CCDC192: variants seen among roughly 807,000 people sequenced by gnomAD.
CCDC192 encodes coiled-coil domain-containing protein 192.
intron 1 of CCDC192, 100 bp downstream of exon 1, chr5:127,703,607 G>A: frequency 2.6e-6 from 1 of 391,878 alleles, no homozygotes; most frequent in Non-Finnish European, 4.5e-6. Context: ...TTTAAAGTCT[G>A]GGGAATAACA....
At chr5:127,759,218 G>C (rs917415894) in intron 3 of CCDC192, among the ~76,000 whole-genome samples, 2 of 152,168 alleles carry the variant, frequency 1.3e-5, no homozygotes, top group African/African-American at 2.4e-5. Flanking sequence ...TATTAAATGG[G>C]ATAGGTATCT....
chr5:127,761,835 A>G (rs1754950108), intron 3 of CCDC192, among the ~76,000 whole-genome samples: 1 of 152,196 alleles, frequency 6.6e-6, no homozygotes. Flanking sequence ...CTAATAAGTT[A>G]TGTTTGACTC....
At chr5:127,709,025 G>A (rs1751132126) in intron 2 of CCDC192, among the ~76,000 whole-genome samples, 1 of 151,690 alleles carries the variant, frequency 6.6e-6, no homozygotes, top group Non-Finnish European at 1.5e-5. Flanking sequence ...TTTGGCTTCT[G>A]CTACTGGGGA....
intron 5 of CCDC192, among the ~76,000 whole-genome samples, chr5:127,801,968 G>A (rs1451159705): frequency 6.6e-6 from 1 of 152,168 alleles, no homozygotes; most frequent in Non-Finnish European, 1.5e-5. Context: ...GGGTGCCTGT[G>A]ATTGGCTGAA....
intron 2 of CCDC192, among the ~76,000 whole-genome samples, chr5:127,720,698 A>G (rs1750369286): frequency 6.6e-6 from 1 of 152,230 alleles, no homozygotes; most frequent in South Asian, 2.1e-4. Context: ...CTGGACATCC[A>G]GGCCTTTCCA....
chr5:127,889,879 A>T (rs62375863), intron 6 of CCDC192, among the ~76,000 whole-genome samples: 8 of 127,370 alleles, frequency 6.3e-5, no homozygotes, highest in Non-Finnish European at 1.4e-4. Flanking sequence ...ACAGTTTTAT[A>T]AATTTTTTTT....
chr5:127,719,494 TAC>T (rs1368138187), intron 2 of CCDC192, among the ~76,000 whole-genome samples: 5 of 91,068 alleles, frequency 5.5e-5, no homozygotes, highest in South Asian at 3.7e-4. Flanking sequence ...TATATATATA[TAC>T]ACACACATAC....
At chr5:127,738,058 A>G (rs1018958811) in intron 2 of CCDC192, among the ~76,000 whole-genome samples, 3 of 152,058 alleles carry the variant, frequency 2.0e-5, no homozygotes, top group Non-Finnish European at 2.9e-5. Flanking sequence ...TGATTTTGCA[A>G]CAGCTGGTAC....
At chr5:127,895,590 A>T (rs1752857692) in intron 6 of CCDC192, among the ~76,000 whole-genome samples, 1 of 152,234 alleles carries the variant, frequency 6.6e-6, no homozygotes, top group Non-Finnish European at 1.5e-5. Flanking sequence ...CTGTAATCCC[A>T]GCACTTTGGG....
At chr5:127,877,833 T>A (rs1401303785) in intron 6 of CCDC192, among the ~76,000 whole-genome samples, 1 of 152,094 alleles carries the variant, frequency 6.6e-6, no homozygotes, top group Non-Finnish European at 1.5e-5. Flanking sequence ...ACTCCCCTGA[T>A]TATCTTGTAA....
intron 3 of CCDC192, chr5:127,786,621 T>TAGGAG (rs1756554603): frequency 1.3e-6 from 1 of 753,800 alleles, no homozygotes; most frequent in Non-Finnish European, 2.5e-6. Flanking sequence ...GTGAACCCAG[T>TAGGAG]GTCTACTGAG....
chr5:127,732,306 C>G (rs912959445), intron 2 of CCDC192, among the ~76,000 whole-genome samples: 6 of 152,170 alleles, frequency 3.9e-5, no homozygotes, highest in Non-Finnish European at 5.9e-5. Flanking sequence ...CCATCTCACA[C>G]CAGTCAGAAT....
chr5:127,718,664 C>T (rs371352757), intron 2 of CCDC192, among the ~76,000 whole-genome samples: 2 of 152,134 alleles, frequency 1.3e-5, no homozygotes, highest in Non-Finnish European at 1.5e-5. Flanking sequence ...GCAACTTGCT[C>T]ATCCTCTGGA....
chr5:127,884,737 A>G (rs1044627430), intron 6 of CCDC192, among the ~76,000 whole-genome samples: 2 of 152,180 alleles, frequency 1.3e-5, no homozygotes, highest in Admixed American at 6.5e-5. Context: ...TACACCTCTC[A>G]CTGTGCCTTC....
intron 5 of CCDC192, among the ~76,000 whole-genome samples, chr5:127,840,645 T>C (rs560976803): frequency 6.6e-6 from 1 of 152,244 alleles, no homozygotes; most frequent in Non-Finnish European, 1.5e-5. Context: ...TCACATTTTT[T>C]TGAGCTGCAG....
At chr5:127,920,916 C>G (rs1753693981) in intron 6 of CCDC192, among the ~76,000 whole-genome samples, 1 of 151,542 alleles carries the variant, frequency 6.6e-6, no homozygotes, top group Non-Finnish European at 1.5e-5. Context: ...AAAAATTAGC[C>G]AGGCATGGTG....
intron 3 of CCDC192, among the ~76,000 whole-genome samples, chr5:127,780,124 TACACACACATATATATAC>T (rs959094614): frequency 1.1e-4 from 17 of 152,030 alleles, no homozygotes; most frequent in Admixed American, 2.6e-4. Context: ...TATATATACA[TACACACACATATATATAC>T]ACACACACAT....
intron 5 of CCDC192, among the ~76,000 whole-genome samples, chr5:127,841,292 A>G (rs1750274480): frequency 6.6e-6 from 1 of 152,196 alleles, no homozygotes. Flanking sequence ...ATAACCTGGA[A>G]GAGCTGAGCC....
At chr5:127,830,110 G>A (rs1749716322) in intron 5 of CCDC192, among the ~76,000 whole-genome samples, 1 of 152,028 alleles carries the variant, frequency 6.6e-6, no homozygotes. Context: ...TAGCAAAGGG[G>A]GAAAAACAGT....
Sources: gnomAD v4.1 joint callset for allele counts (sites outside exome capture counted in the v4.1 genomes callset) on GRCh38, gnomAD v4.1.1 for gene constraint, MANE v1.5 for transcripts, NCBI Gene and HGNC (gene_info 2026-07-23, HGNC 2026-07-21) for gene names.